The following VPS13D variants were observed in gnomAD, a reference collection of about 807,000 sequenced individuals.
VPS13D encodes vacuolar protein sorting 13 homolog D.
A neutral mutation model predicts 461.9 loss-of-function variants in VPS13D; 187 were observed. The observed-to-expected ratio is 0.40, with a 90% CI of 0.36 to 0.46. The LOEUF (loss-of-function observed/expected upper bound fraction) is 0.46. VPS13D is among the 20% of genes least tolerant of loss of function. VPS13D has a pLI of 0.60. For missense variants in VPS13D, 4,711 were observed against 5,364.9 expected (o/e 0.88, Z 3.81); for synonymous variants, 1,951 against 1,986.3 (o/e 0.98, Z 0.47).
chr1:12,446,673 G>A (rs1470005113), intron 65 of VPS13D, among the ~76,000 whole-genome samples: 2 of 152,060 alleles, frequency 1.3e-5, no homozygotes, highest in African/African-American at 4.8e-5. Context: ...TAGTTTGCTT[G>A]ACCAGACCAG....
intron 38 of VPS13D, among the ~76,000 whole-genome samples, chr1:12,334,525 G>A (rs1042310269): frequency 2.6e-5 from 4 of 152,170 alleles, no homozygotes; most frequent in Admixed American, 6.5e-5. Context: ...CCAGTTCTTC[G>A]AGAAGCCAAG....
At position 12,369,617 on chromosome 1, in the gene VPS13D, A is replaced by C; in HGVS notation, c.10723A>C (p.Asn3575His). The change falls in exon 54 of 70, where the codon AAC becomes CAC. Residue 3575 changes from asparagine to histidine, a missense_variant. Transcript: ENST00000620676. ...TVKGAGSSEI[N>H]CNMNDFQDNR... ...TAAAGGGGCAGGGTCCTCTGAGATC[A>C]ACTGCAACATGAATGATTTCCAGGA... 6.2e-7 allele frequency: 1 copy of C among 1,614,238 alleles called. No homozygotes were observed. Among genetic ancestry groups the C allele is most frequent in the Non-Finnish European group, 8.5e-7 (1 of 1,180,052 alleles).
chr1:12,337,332 T>C (rs1433307548), intron 39 of VPS13D: 1 of 152,226 alleles, frequency 6.6e-6, no homozygotes, highest in Non-Finnish European at 1.5e-5. Context: ...AAAATGATCA[T>C]TGGGAATTTA....
chr1:12,383,175 G>C lies in VPS13D; in HGVS notation c.11370+20G>C. 1.2e-6 allele frequency: 2 copies of C among 1,600,220 alleles called. No individual in the cohort carries two copies. Among genetic ancestry groups the C allele is most frequent in the Non-Finnish European group, 8.5e-7 (1 of 1,173,710 alleles). On this transcript the variant is annotated intron_variant, in intron 58 of 69. Transcript: ENST00000620676. Reference sequence around the variant, plus strand: ...CTCCAGGTGATAATTTGTCATAAGAGCTGATGTGAAACTCTGTACTTCCTC... The same window carrying C: ...CTCCAGGTGATAATTTGTCATAAGACCTGATGTGAAACTCTGTACTTCCTC...
chr1:12,271,866 A>G (rs1641451447), intron 17 of VPS13D, among the ~76,000 whole-genome samples: 1 of 152,160 alleles, frequency 6.6e-6, no homozygotes, highest in South Asian at 2.1e-4. Flanking sequence ...TGAGGATGCC[A>G]TAGATAGGGA....
chr1:12,438,087 C>G (rs1224311569), intron 65 of VPS13D, among the ~76,000 whole-genome samples: 1 of 152,198 alleles, frequency 6.6e-6, no homozygotes, highest in Non-Finnish European at 1.5e-5. Flanking sequence ...AAAACTTGAG[C>G]ATCTGTAGCT....
intron 24 of VPS13D, among the ~76,000 whole-genome samples, chr1:12,295,704 A>G (rs1390376644): frequency 2.0e-5 from 3 of 152,198 alleles, no homozygotes; most frequent in Admixed American, 1.3e-4. Context: ...TATCTGTAGC[A>G]TGTATATATG....
rs140759319 is a variant in VPS13D at position 12,410,302 on chromosome 1, C to T, written c.12031-4785C>T. On this transcript the variant is annotated intron_variant, in intron 63 of 69. Coordinates refer to ENST00000620676, the MANE Select transcript of VPS13D (RefSeq NM_015378.4). ...AAAGTGGAGGAATGGCATTGGTTTT[C>T]GTTGAGACTGCTAAAGGACTACACC... Among the ~76,000 whole-genome samples, 61 of 152,234 alleles carry T rather than the reference C, an allele frequency of 4.0e-4. 1 individual carries two copies. The East Asian group carries it at 6.6e-3, about 16-fold the overall frequency.
chr1:12,261,212 TGTG>T lies in VPS13D; in HGVS notation c.1414+66_1414+68del, dbSNP rs377436369. 23 of 1,575,492 alleles carry T rather than the reference TGTG, an allele frequency of 1.5e-5. No individual in the cohort carries two copies. In the African/African-American group the frequency reaches 2.2e-4, roughly 15 times the overall value. On this transcript the variant is annotated intron_variant, in intron 12 of 69. Coordinates refer to ENST00000620676, the MANE Select transcript of VPS13D (RefSeq NM_015378.4). Reference sequence around the variant, plus strand: ...TTCGTCTGTTATTTGTGCAACAGCTTGTGGTATTTTTCAAATTTAACAAAAGTA... The same window carrying T: ...TTCGTCTGTTATTTGTGCAACAGCTTGTATTTTTCAAATTTAACAAAAGTA...
intron 38 of VPS13D, 39 bp downstream of exon 38, chr1:12,333,405 C>A: frequency 6.2e-7 from 1 of 1,607,658 alleles, no homozygotes. Context: ...GATACCTTTC[C>A]GTACCTAAGT....
intron 17 of VPS13D, 86 bp downstream of exon 17, chr1:12,271,210 C>T: frequency 2.0e-6 from 3 of 1,526,082 alleles, no homozygotes; most frequent in Non-Finnish European, 1.8e-6. Context: ...TGTAGATAGG[C>T]TTACTTATAT....
intron 18 of VPS13D, among the ~76,000 whole-genome samples, chr1:12,273,750 A>C (rs1448717560): frequency 6.6e-6 from 1 of 152,154 alleles, no homozygotes; most frequent in African/African-American, 2.4e-5. Context: ...CGTATAGCCG[A>C]ATAATAGTCC....
At chr1:12,243,021 C>T (rs539302110) in intron 3 of VPS13D, among the ~76,000 whole-genome samples, 3 of 150,804 alleles carry the variant, frequency 2.0e-5, no homozygotes, top group East Asian at 2.0e-4. Context: ...GGTGCGATCT[C>T]GGCTCACTGC....
intron 57 of VPS13D, among the ~76,000 whole-genome samples, chr1:12,382,024 CCTTTCTTTCTCTTT>C (rs1275320263): frequency 7.0e-6 from 1 of 142,154 alleles, no homozygotes; most frequent in Non-Finnish European, 1.5e-5. Context: ...TTCCTTCCTT[CCTTTCTTTCTCTTT>C]CTTTCTTTCT....
At chr1:12,309,509 C>T (rs1261516424) in intron 27 of VPS13D, among the ~76,000 whole-genome samples, 1 of 150,980 alleles carries the variant, frequency 6.6e-6, no homozygotes, top group Non-Finnish European at 1.5e-5. Context: ...CCTGTAATCC[C>T]AGCACTTTGG....
rs527938500 is a variant in VPS13D at position 12,307,384 on chromosome 1, A to C, written c.6440-1047A>C. On this transcript the variant is annotated intron_variant, in intron 26 of 69. Transcript: ENST00000620676. ...ATTTTGGGGGTAACAAAGGACAGTA[A>C]GCCTGAGGCCTAGTGAGCAGGAGAG... is the stretch of plus-strand genomic sequence containing the variant. 7.9e-5 allele frequency among the ~76,000 whole-genome samples: 12 copies of C among 152,358 alleles called. No homozygotes were observed. The East Asian group carries it at 2.3e-3, about 29-fold the overall frequency.
chr1:12,403,203 C>G (rs544908978), intron 62 of VPS13D, among the ~76,000 whole-genome samples: 13 of 152,346 alleles, frequency 8.5e-5, no homozygotes, highest in African/African-American at 3.1e-4. Flanking sequence ...GTGCAAAGAG[C>G]ACATTGCTGT....
intron 67 of VPS13D, among the ~76,000 whole-genome samples, chr1:12,490,114 T>C (rs2100517698): frequency 6.6e-6 from 1 of 152,318 alleles, no homozygotes; most frequent in African/African-American, 2.4e-5. Flanking sequence ...TGCTGGCCTC[T>C]GCATATGATA....
At chr1:12,455,255 C>T (rs527747836) in intron 65 of VPS13D, among the ~76,000 whole-genome samples, 1 of 152,290 alleles carries the variant, frequency 6.6e-6, no homozygotes, top group South Asian at 2.1e-4. Context: ...AAATGAAAGA[C>T]AGCATTACTG....
Sources: gnomAD v4.1 joint callset for allele counts (sites outside exome capture counted in the v4.1 genomes callset) on GRCh38, gnomAD v4.1.1 for gene constraint, MANE v1.5 for transcripts, NCBI Gene and HGNC (gene_info 2026-07-23, HGNC 2026-07-21) for gene names.